Variants in CYP3A43 observed in about 807,000 individuals in gnomAD.
The protein encoded by CYP3A43 is cytochrome P450 3A43.
CYP3A43 carries 45 observed loss-of-function variants against 58.0 expected under a neutral mutation model. The observed-to-expected ratio is 0.78, with a 90% CI of 0.61 to 0.99. The LOEUF (loss-of-function observed/expected upper bound fraction) is 0.99. Ranked by LOEUF, CYP3A43 falls within the 50% of genes least tolerant of loss-of-function variation. CYP3A43 has a pLI of 0.00. For synonymous variants in CYP3A43, 191 were observed against 201.4 expected, an observed-to-expected ratio of 0.95 and a Z score of 0.44; for missense variants, 593 against 591.9, an observed-to-expected ratio of 1.00 and a Z score of -0.02.
At position 99,863,517 on chromosome 7, in the gene CYP3A43, A is replaced by G. The variant is rs376384453; in HGVS notation, c.1254-20A>G. On this transcript the variant is annotated intron_variant, in intron 11 of 12. Transcript: ENST00000354829. ...TTTTATGTTTCATTAACTAGTTTTT[A>G]TGTACTACTGTGAAAGTAGGTTCAG... 1 of 1,568,350 alleles carries G rather than the reference A, an allele frequency of 6.4e-7. No homozygotes were observed. The highest frequency in any genetic ancestry group is 1.4e-5 in the African/African-American group (1 of 73,044).
At chr7:99,849,764 A>G in intron 7 of CYP3A43, 70 bp downstream of exon 7, 2 of 1,414,782 alleles carry the variant, frequency 1.4e-6, no homozygotes, top group Non-Finnish European at 1.9e-6. Context: ...AGTTTTATTG[A>G]AAACAAAATT....
chr7:99,839,497 TA>T, intron 3 of CYP3A43: 1 of 522,992 alleles, frequency 1.9e-6, no homozygotes, highest in Non-Finnish European at 3.6e-6. Context: ...CCCAGACAGA[TA>T]GCTGTAATTT....
Position 99,855,628 on chromosome 7 carries a change from A to G in CYP3A43, c.708A>G (p.Leu236=). 1 of 1,613,294 alleles carries G rather than the reference A, an allele frequency of 6.2e-7. No homozygotes were observed. Among genetic ancestry groups the G allele is most frequent in the Non-Finnish European group, 8.5e-7 (1 of 1,179,712 alleles). ...TTCTTACCCCAGTTTTTGAAGCCCT[A>G]AATATCGGTTTGTTTCCAAAAGATG... The part of the protein sequence containing the change: ...FPFLTPVFEA[L]NIGLFPKDVT... The change falls in exon 8 of 13, where the codon CTA becomes CTG. Residue 236 remains leucine, a synonymous_variant. Coordinates refer to ENST00000354829, the MANE Select transcript of CYP3A43 (RefSeq NM_057095.3).
At chr7:99,852,730 T>C (rs1164676565) in intron 7 of CYP3A43, among the ~76,000 whole-genome samples, 1 of 152,204 alleles carries the variant, frequency 6.6e-6, no homozygotes, top group African/African-American at 2.4e-5. Flanking sequence ...ATTCATGATC[T>C]TAGGGGGAAA....
intron 1 of CYP3A43, among the ~76,000 whole-genome samples, chr7:99,834,751 G>A (rs1473181132): frequency 6.6e-6 from 1 of 152,218 alleles, no homozygotes; most frequent in Non-Finnish European, 1.5e-5. Flanking sequence ...TACTGCCCCT[G>A]TGAAAGCCTT....
chr7:99,850,209 C>A, intron 7 of CYP3A43: 1 of 255,770 alleles, frequency 3.9e-6, no homozygotes, highest in Non-Finnish European at 7.7e-6. Flanking sequence ...CCCTCCTCAG[C>A]CTCCCAAAGT....
chr7:99,844,171 G>T lies in CYP3A43; in HGVS notation c.247G>T (p.Val83Phe). 6.2e-7 allele frequency: 1 copy of T among 1,613,926 alleles called. No individual in the cohort carries two copies. Among genetic ancestry groups the T allele is most frequent in the Admixed American group, 1.7e-5 (1 of 59,996 alleles). The change falls in exon 4 of 13, where the codon GTC becomes TTC. Residue 83 changes from valine to phenylalanine, a missense_variant. By Grantham distance (50) the Val-to-Phe change is conservative. Transcript: ENST00000354829. ...GTATGAGGGGCAACAGCCCATGCTG[G>T]TCATCATGGATCCCGACATGATCAA... ...GLYEGQQPML[V>F]IMDPDMIKTV...
intron 7 of CYP3A43, among the ~76,000 whole-genome samples, chr7:99,851,902 C>T (rs1817777188): frequency 6.6e-6 from 1 of 152,096 alleles, no homozygotes; most frequent in South Asian, 2.1e-4. Context: ...AAGATTTGCC[C>T]TCTTGGTTTT....
intron 5 of CYP3A43, 66 bp from the exon 6 acceptor site, chr7:99,848,100 G>A: frequency 1.3e-6 from 2 of 1,498,730 alleles, no homozygotes; most frequent in Non-Finnish European, 1.9e-6. Flanking sequence ...GTTCCATGCT[G>A]GGCAAAGCCA....
chr7:99,865,289 T>C (rs966166595), intron 12 of CYP3A43, among the ~76,000 whole-genome samples: 1 of 148,400 alleles, frequency 6.7e-6, no homozygotes, highest in South Asian at 2.1e-4. Context: ...CTTGGGAGAA[T>C]GAGGGCTCAA....
chr7:99,831,525 A>G (rs1346101785), intron 1 of CYP3A43, among the ~76,000 whole-genome samples: 7 of 152,246 alleles, frequency 4.6e-5, no homozygotes, highest in Non-Finnish European at 8.8e-5. Context: ...CAGCAGTTGC[A>G]TGGTTACATC....
intron 10 of CYP3A43, among the ~76,000 whole-genome samples, chr7:99,860,716 A>G (rs776292469): frequency 1.6e-4 from 24 of 152,170 alleles, no homozygotes; most frequent in Non-Finnish European, 3.4e-4. Flanking sequence ...GAAAGACAGG[A>G]TGGGGCTGCC....
chr7:99,859,162 G>T (rs561759308), intron 9 of CYP3A43, among the ~76,000 whole-genome samples: 3 of 152,128 alleles, frequency 2.0e-5, no homozygotes, highest in Non-Finnish European at 4.4e-5. Flanking sequence ...CTCAAGCCAT[G>T]CTGGGCTCAC....
At chr7:99,858,103 A>G (rs949934656) in intron 9 of CYP3A43, among the ~76,000 whole-genome samples, 7 of 152,116 alleles carry the variant, frequency 4.6e-5, no homozygotes, top group Admixed American at 1.3e-4. Context: ...ATTTTTAAGT[A>G]TATCTAATTT....
chr7:99,834,710 A>C (rs1816994165), intron 1 of CYP3A43, among the ~76,000 whole-genome samples: 1 of 152,196 alleles, frequency 6.6e-6, no homozygotes, highest in Non-Finnish European at 1.5e-5. Flanking sequence ...GTCTCATCAT[A>C]ATACTGTTGC....
intron 7 of CYP3A43, among the ~76,000 whole-genome samples, chr7:99,854,210 G>A (rs886390426): frequency 6.7e-6 from 1 of 149,376 alleles, no homozygotes; most frequent in African/African-American, 2.5e-5. Flanking sequence ...CTATGTCCAT[G>A]AGTTTTGAGT....
intron 1 of CYP3A43, among the ~76,000 whole-genome samples, chr7:99,832,598 A>G (rs1022824507): frequency 6.6e-6 from 1 of 150,904 alleles, no homozygotes; most frequent in Non-Finnish European, 1.5e-5. Flanking sequence ...CTAAATGATG[A>G]GTTAATGGGT....
In CYP3A43 at chr7:99,861,331, T is replaced by C. The variant is rs151326652; in HGVS notation, c.1027-282T>C. 3.6e-3 allele frequency among the ~76,000 whole-genome samples: 546 copies of C among 152,348 alleles called. 5 individuals are homozygous for C. The highest frequency in any genetic ancestry group is 0.013 in the African/African-American group (522 of 41,572). Reference sequence around the variant, plus strand: ...TCAAATGGCCATCGTCTATTAGTCATGTTTGTTCTCCCAAGAAAGAAAAAA... The same window carrying C: ...TCAAATGGCCATCGTCTATTAGTCACGTTTGTTCTCCCAAGAAAGAAAAAA... On this transcript the variant is annotated intron_variant, in intron 10 of 12. Coordinates refer to ENST00000354829, the MANE Select transcript of CYP3A43 (RefSeq NM_057095.3).
intron 12 of CYP3A43, among the ~76,000 whole-genome samples, chr7:99,865,147 G>T (rs191495711): frequency 6.7e-6 from 1 of 148,362 alleles, no homozygotes. Flanking sequence ...CATGGGATGG[G>T]GTGATACTCC....
Sources: allele counts gnomAD v4.1 joint callset (sites outside exome capture counted in the v4.1 genomes callset), GRCh38; gene constraint gnomAD v4.1.1; transcripts MANE v1.5; gene names NCBI Gene and HGNC (gene_info 2026-07-23, HGNC 2026-07-21).